MYRIP: variants seen among roughly 807,000 people sequenced by gnomAD.
MYRIP encodes myosin VIIA and Rab interacting protein.
In MYRIP, 49 loss-of-function variants were observed where a neutral mutation model predicts 98.0. The observed-to-expected ratio is 0.50, with a 90% CI of 0.40 to 0.63. MYRIP has a LOEUF of 0.63. MYRIP is among the 30% of genes least tolerant of loss of function. The pLI, the probability that MYRIP is intolerant of heterozygous loss-of-function variation, is 0.00. For missense variants in MYRIP, 1,004 were observed against 1,058.2 expected, an observed-to-expected ratio of 0.95 and a Z score of 0.71; for synonymous variants, 404 against 409.5, an observed-to-expected ratio of 0.99 and a Z score of 0.16.
chr3:39,899,932 T>C (rs1943705735), intron 1 of MYRIP, among the ~76,000 whole-genome samples: 1 of 152,176 alleles, frequency 6.6e-6, no homozygotes, highest in Non-Finnish European at 1.5e-5. Context: ...ACGATTCTCC[T>C]GCCTCAGCCT....
chr3:39,962,653 C>T (rs750651310), intron 2 of MYRIP, among the ~76,000 whole-genome samples: 2 of 152,064 alleles, frequency 1.3e-5, no homozygotes, highest in Non-Finnish European at 2.9e-5. Flanking sequence ...CTTCACAAAG[C>T]ATTAGCCCAG....
intron 2 of MYRIP, among the ~76,000 whole-genome samples, chr3:39,905,898 A>T (rs1293462547): frequency 6.6e-6 from 1 of 151,916 alleles, no homozygotes; most frequent in Non-Finnish European, 1.5e-5. Flanking sequence ...AGTGGTCTTG[A>T]GAGGGAGCAG....
intron 3 of MYRIP, chr3:40,071,026 A>G (rs1010327197): frequency 1.9e-6 from 1 of 534,748 alleles, no homozygotes; most frequent in African/African-American, 2.1e-5. Flanking sequence ...AGTGAGTCAC[A>G]CAAGATGTCA....
chr3:40,095,715 C>T (rs1006706358), intron 3 of MYRIP, among the ~76,000 whole-genome samples: 30 of 152,138 alleles, frequency 2.0e-4, no homozygotes, highest in African/African-American at 6.5e-4. Flanking sequence ...CTCACTAACA[C>T]TGCCATCTCT....
intron 2 of MYRIP, among the ~76,000 whole-genome samples, chr3:39,946,504 C>CAG (rs959625088): frequency 6.6e-6 from 1 of 152,072 alleles, no homozygotes; most frequent in African/African-American, 2.4e-5. Flanking sequence ...AACGAAAGGT[C>CAG]AGAGAGAGAG....
rs562709899 is a variant in MYRIP, at chr3:40,116,567, A to G, written c.333-34481A>G. ...TGAATTCAGCAGTCTTCACCTCAGC[A>G]CAGTTTAGTCTGGCCCAATTTTGAT... On this transcript the variant is annotated intron_variant, in intron 3 of 16. Transcript: ENST00000302541. 7.9e-5 allele frequency among the ~76,000 whole-genome samples: 12 copies of G among 152,306 alleles called. No individual in the cohort carries two copies. The South Asian group carries it at 2.5e-3, about 32-fold the overall frequency.
intron 3 of MYRIP, among the ~76,000 whole-genome samples, chr3:40,082,792 CA>C (rs1459811177): frequency 6.6e-6 from 1 of 152,162 alleles, no homozygotes; most frequent in Non-Finnish European, 1.5e-5. Context: ...GTAATGGATA[CA>C]TTTTTCATCT....
At chr3:39,877,393 G>T (rs969174880) in intron 1 of MYRIP, among the ~76,000 whole-genome samples, 2 of 151,840 alleles carry the variant, frequency 1.3e-5, no homozygotes, top group Admixed American at 1.3e-4. Flanking sequence ...GAGGAACTGC[G>T]TTCCTTTGGA....
In MYRIP at chr3:40,070,364, A is replaced by G. The variant is rs150030310; in HGVS notation, c.332+26093A>G. 8.5e-5 allele frequency among the ~76,000 whole-genome samples: 13 copies of G among 152,332 alleles called. No individual in the cohort carries two copies. In the East Asian group the frequency reaches 2.5e-3, roughly 29 times the overall value. On this transcript the variant is annotated intron_variant, in intron 3 of 16. Coordinates refer to ENST00000302541, the MANE Select transcript of MYRIP (RefSeq NM_015460.4). ...ACAAGAGCTCTAAAAAAGGCCTGAGAGTGAGGCCAAGGAAGCATGGCTTAT... is the reference window on the plus strand; with the variant it reads ...ACAAGAGCTCTAAAAAAGGCCTGAGGGTGAGGCCAAGGAAGCATGGCTTAT...
chr3:39,846,648 C>G (rs1249823503), intron 1 of MYRIP, among the ~76,000 whole-genome samples: 1 of 152,206 alleles, frequency 6.6e-6, no homozygotes, highest in Admixed American at 6.5e-5. Context: ...ATCTACTTTC[C>G]TCCCTTATTG....
chr3:40,141,642 T>C (rs1433139208), intron 3 of MYRIP, among the ~76,000 whole-genome samples: 2 of 152,200 alleles, frequency 1.3e-5, no homozygotes, highest in Non-Finnish European at 2.9e-5. Context: ...GGTGGAAGTC[T>C]AGTTTCATAA....
chr3:39,866,473 A>G (rs1179073784), intron 1 of MYRIP, among the ~76,000 whole-genome samples: 1 of 152,094 alleles, frequency 6.6e-6, no homozygotes, highest in East Asian at 1.9e-4. Context: ...CAAAAATAAT[A>G]AAAAATTTTT....
chr3:40,087,278 C>T (rs925714428), intron 3 of MYRIP, among the ~76,000 whole-genome samples: 2 of 152,146 alleles, frequency 1.3e-5, no homozygotes, highest in African/African-American at 4.8e-5. Flanking sequence ...CAGTCCCAGC[C>T]TCACAGTGCT....
intron 1 of MYRIP, among the ~76,000 whole-genome samples, chr3:39,843,413 C>A (rs1220249533): frequency 6.6e-6 from 1 of 152,122 alleles, no homozygotes; most frequent in African/African-American, 2.4e-5. Flanking sequence ...TTATTTATTG[C>A]ATTTGGGCCT....
intron 3 of MYRIP, among the ~76,000 whole-genome samples, chr3:40,073,022 G>T (rs901544778): frequency 6.6e-6 from 1 of 152,078 alleles, no homozygotes; most frequent in African/African-American, 2.4e-5. Flanking sequence ...GAGTTCCAGG[G>T]CTGGGACCTG....
At chr3:40,051,950 A>T (rs938467563) in intron 3 of MYRIP, among the ~76,000 whole-genome samples, 7 of 151,964 alleles carry the variant, frequency 4.6e-5, no homozygotes, top group African/African-American at 1.7e-4. Context: ...TGACATTTTG[A>T]TACCTGTATA....
chr3:40,098,239 T>C (rs1948868276), intron 3 of MYRIP, among the ~76,000 whole-genome samples: 1 of 152,246 alleles, frequency 6.6e-6, no homozygotes, highest in Non-Finnish European at 1.5e-5. Flanking sequence ...CTTTCCATTT[T>C]TTAAGAAGTA....
intron 2 of MYRIP, among the ~76,000 whole-genome samples, chr3:39,958,002 A>G (rs1378545653): frequency 6.6e-6 from 1 of 152,232 alleles, no homozygotes; most frequent in African/African-American, 2.4e-5. Flanking sequence ...AAGGAGAACT[A>G]CAAACCAGTG....
intron 2 of MYRIP, among the ~76,000 whole-genome samples, chr3:39,982,167 C>T (rs970823894): frequency 6.6e-6 from 1 of 152,136 alleles, no homozygotes; most frequent in Non-Finnish European, 1.5e-5. Flanking sequence ...TATCAAGATA[C>T]ACCAAATGGG....
Sources: allele counts gnomAD v4.1 joint callset (sites outside exome capture counted in the v4.1 genomes callset), GRCh38; gene constraint gnomAD v4.1.1; transcripts MANE v1.5; gene names NCBI Gene and HGNC (gene_info 2026-07-23, HGNC 2026-07-21).